KHDRBS3: variants seen among roughly 807,000 people sequenced by gnomAD.
KHDRBS3 encodes KH RNA binding domain containing, signal transduction associated 3, also known as KH domain-containing, RNA-binding, signal transduction-associated protein 3.
Under a neutral mutation model 45.6 loss-of-function variants are expected in KHDRBS3, and 23 were observed. The observed-to-expected ratio is 0.50, with a 90% confidence interval of 0.36 to 0.72. The LOEUF (loss-of-function observed/expected upper bound fraction) is 0.72. Ranked by LOEUF, KHDRBS3 falls within the 30% of genes least tolerant of loss-of-function variation. KHDRBS3 has a pLI of 0.00. For synonymous variants in KHDRBS3, 162 were observed against 156.5 expected, an observed-to-expected ratio of 1.04 and a Z score of -0.26; for missense variants, 352 against 424.8, an observed-to-expected ratio of 0.83 and a Z score of 1.51.
At chr8:135,586,358 G>GGT (rs1416999351) in intron 6 of KHDRBS3, among the ~76,000 whole-genome samples, 5 of 152,080 alleles carry the variant, frequency 3.3e-5, no homozygotes, top group African/African-American at 1.2e-4. Flanking sequence ...CACTAGCCGA[G>GGT]GTTATAAATA....
intron 2 of KHDRBS3, among the ~76,000 whole-genome samples, chr8:135,523,893 A>G (rs1278436359): frequency 6.6e-6 from 1 of 152,176 alleles, no homozygotes; most frequent in Non-Finnish European, 1.5e-5. Context: ...GTAGATTTTA[A>G]TGATTGATTT....
At chr8:135,535,841 A>G (rs1271521716) in intron 2 of KHDRBS3, among the ~76,000 whole-genome samples, 3 of 152,164 alleles carry the variant, frequency 2.0e-5, no homozygotes, top group Admixed American at 6.5e-5. Context: ...TGGCGAGGGC[A>G]TGGTCCCTGC....
downstream of KHDRBS3, among the ~76,000 whole-genome samples, chr8:135,649,759 G>C (rs1407328967): frequency 6.6e-6 from 1 of 152,084 alleles, no homozygotes; most frequent in Non-Finnish European, 1.5e-5. Context: ...ATTATGGAGA[G>C]GTAGAGGGTC....
chr8:135,611,402 A>T (rs562578549), intron 7 of KHDRBS3, among the ~76,000 whole-genome samples: 1 of 152,008 alleles, frequency 6.6e-6, no homozygotes, highest in Non-Finnish European at 1.5e-5. Context: ...CCACTACAGC[A>T]CTCTTAGCTT....
At chr8:135,605,591 C>T (rs1829422243) in intron 6 of KHDRBS3, among the ~76,000 whole-genome samples, 1 of 152,116 alleles carries the variant, frequency 6.6e-6, no homozygotes, top group African/African-American at 2.4e-5. Context: ...ACACAACTAT[C>T]CCCTGTGTAT....
chr8:135,546,163 A>G (rs914703055), intron 3 of KHDRBS3, among the ~76,000 whole-genome samples: 1 of 152,130 alleles, frequency 6.6e-6, no homozygotes, highest in African/African-American at 2.4e-5. Context: ...ATTAAAAAAA[A>G]AAAAGATACT....
chr8:135,496,145 A>G (rs1424248128), intron 1 of KHDRBS3, among the ~76,000 whole-genome samples: 1 of 143,280 alleles, frequency 7.0e-6, no homozygotes, highest in African/African-American at 2.6e-5. Flanking sequence ...AGTATGAGAA[A>G]GCAGAAGTAG....
intron 7 of KHDRBS3, among the ~76,000 whole-genome samples, chr8:135,607,515 T>C (rs1829518800): frequency 6.6e-6 from 1 of 152,234 alleles, no homozygotes; most frequent in South Asian, 2.1e-4. Context: ...TTAGTTGTGA[T>C]TTATTTTCCA....
At chr8:135,537,110 GT>G (rs1222778622) in intron 2 of KHDRBS3, among the ~76,000 whole-genome samples, 1 of 151,808 alleles carries the variant, frequency 6.6e-6, no homozygotes, top group Non-Finnish European at 1.5e-5. Context: ...CACAGGCCTA[GT>G]CAGTGCCCTC....
intron 3 of KHDRBS3, among the ~76,000 whole-genome samples, chr8:135,545,404 G>C (rs1420329222): frequency 6.6e-6 from 1 of 152,136 alleles, no homozygotes; most frequent in East Asian, 1.9e-4. Flanking sequence ...TTCAGTATTT[G>C]AGTACTCAAA....
intron 1 of KHDRBS3, among the ~76,000 whole-genome samples, chr8:135,488,801 A>C (rs1210437701): frequency 6.6e-6 from 1 of 152,202 alleles, no homozygotes; most frequent in Non-Finnish European, 1.5e-5. Context: ...ACTTAAGGAA[A>C]AGGGGCTTGA....
chr8:135,493,562 A>C (rs1259112511), intron 1 of KHDRBS3, among the ~76,000 whole-genome samples: 1 of 151,988 alleles, frequency 6.6e-6, no homozygotes. Context: ...ATATAGTTTT[A>C]TTGGTCTGTT....
At chr8:135,648,822 A>G (rs1043823848), downstream of KHDRBS3, among the ~76,000 whole-genome samples, 1 of 152,210 alleles carries the variant, frequency 6.6e-6, no homozygotes, top group African/African-American at 2.4e-5. Context: ...GGCTCAGGTC[A>G]TCCTGATATT....
chr8:135,542,565 G>T, intron 2 of KHDRBS3, 89 bp from the exon 3 acceptor site: 1 of 809,930 alleles, frequency 1.2e-6, no homozygotes, highest in Non-Finnish European at 2.1e-6. Flanking sequence ...TCAATGATGT[G>T]TAGCACACTA....
chr8:135,501,534 GAATT>G (rs1434532501), intron 1 of KHDRBS3, among the ~76,000 whole-genome samples: 2 of 152,084 alleles, frequency 1.3e-5, no homozygotes, highest in African/African-American at 4.8e-5. Flanking sequence ...GAAAGAACAC[GAATT>G]AATTCAACAG....
At chr8:135,482,319 A>G (rs1466921623) in intron 1 of KHDRBS3, among the ~76,000 whole-genome samples, 1 of 152,180 alleles carries the variant, frequency 6.6e-6, no homozygotes. Flanking sequence ...TTGGATTTGC[A>G]TTTGATAAAA....
chr8:135,537,937 G>C (rs1017612537), intron 2 of KHDRBS3, among the ~76,000 whole-genome samples: 1 of 152,140 alleles, frequency 6.6e-6, no homozygotes, highest in African/African-American at 2.4e-5. Flanking sequence ...ACATGGATAA[G>C]GGGAGATTTT....
At chr8:135,605,876 G>A (rs1468503965) in intron 6 of KHDRBS3, among the ~76,000 whole-genome samples, 3 of 152,030 alleles carry the variant, frequency 2.0e-5, no homozygotes, top group Non-Finnish European at 2.9e-5. Flanking sequence ...TTCTTGTGTA[G>A]GGACATACTT....
intron 1 of KHDRBS3, among the ~76,000 whole-genome samples, chr8:135,519,863 G>T (rs974625280): frequency 1.3e-5 from 2 of 152,180 alleles, no homozygotes; most frequent in Non-Finnish European, 2.9e-5. Flanking sequence ...GTATTATGAA[G>T]CCCATTGGCT....
Sources: allele counts gnomAD v4.1 joint callset (sites outside exome capture counted in the v4.1 genomes callset), GRCh38; gene constraint gnomAD v4.1.1; transcripts MANE v1.5; gene names NCBI Gene and HGNC (gene_info 2026-07-23, HGNC 2026-07-21).